The following NSUN6 variants were observed in gnomAD, a reference collection of about 807,000 sequenced individuals.
The protein encoded by NSUN6 is tRNA (cytosine(72)-C(5))-methyltransferase NSUN6.
A neutral mutation model predicts 58.0 loss-of-function variants in NSUN6; 64 were observed. That is an observed-to-expected ratio of 1.10 (90% CI 0.90 to 1.36). The LOEUF is 1.36. Ranked by LOEUF, NSUN6 falls within the 40% of genes most tolerant of loss-of-function variation. NSUN6 has a pLI of 0.00. For synonymous variants in NSUN6, 231 were observed against 193.9 expected, an observed-to-expected ratio of 1.19 and a Z score of -1.59; for missense variants, 701 against 550.1, an observed-to-expected ratio of 1.27 and a Z score of -2.74.
intron 1 of NSUN6, 97 bp from the exon 2 acceptor site, chr10:18,648,742 A>C: frequency 1.5e-6 from 1 of 676,588 alleles, no homozygotes; most frequent in South Asian, 1.9e-5. Context: ...TCGCTTAGCA[A>C]TTGTTCAGCT....
At chr10:18,572,637 TATTCTCCATTCC>T in intron 8 of NSUN6, among the ~76,000 whole-genome samples, 1 of 150,202 alleles carries the variant, frequency 6.7e-6, no homozygotes, top group South Asian at 2.1e-4. Flanking sequence ...CATTCTATTC[TATTCTCCATTCC>T]ATTCTTCATT....
intron 3 of NSUN6, among the ~76,000 whole-genome samples, chr10:18,623,274 C>G (rs1321294650): frequency 6.6e-6 from 1 of 152,032 alleles, no homozygotes. Context: ...ATGAAAATAA[C>G]TGTGATATTG....
chr10:18,577,507 C>T (rs1453288594), intron 8 of NSUN6, among the ~76,000 whole-genome samples: 2 of 152,106 alleles, frequency 1.3e-5, no homozygotes, highest in African/African-American at 2.4e-5. Context: ...ATAGAAATGG[C>T]ACTTACTAAA....
At chr10:18,576,735 G>A (rs529968064) in intron 8 of NSUN6, among the ~76,000 whole-genome samples, 13 of 152,300 alleles carry the variant, frequency 8.5e-5, no homozygotes, top group African/African-American at 2.9e-4. Context: ...GAATTTTTAA[G>A]AGCTTACCAG....
Position 18,605,748 on chromosome 10 carries a change from C to T in NSUN6, c.657+4097G>A, listed in dbSNP as rs1286335281. ...TGTTGCACACATGGAAAACATCCTACAGCATCAATAAGTAATGGTAAGGGG... is the reference window on the plus strand; with the variant it reads ...TGTTGCACACATGGAAAACATCCTATAGCATCAATAAGTAATGGTAAGGGG... On this transcript the variant is annotated intron_variant, in intron 6 of 10. Coordinates refer to ENST00000377304, the MANE Select transcript of NSUN6 (RefSeq NM_182543.5). Among the ~76,000 whole-genome samples, 3 of 152,172 alleles carry T rather than the reference C, an allele frequency of 2.0e-5. 1 individual carries two copies. Among genetic ancestry groups the T allele is most frequent in the South Asian group, 4.1e-4 (2 of 4,832 alleles).
chr10:18,563,157 AAATGGAGAATGGAATGG>A (rs2055663309), intron 8 of NSUN6, among the ~76,000 whole-genome samples: 1 of 146,776 alleles, frequency 6.8e-6, no homozygotes, highest in Non-Finnish European at 1.5e-5. Context: ...GAGTGGAACA[AAATGGAGAATGGAATGG>A]AATGGAGAAT....
intron 3 of NSUN6, among the ~76,000 whole-genome samples, chr10:18,619,666 C>T (rs537812782): frequency 4.6e-5 from 7 of 152,282 alleles, no homozygotes; most frequent in African/African-American, 1.7e-4. Context: ...GCAAAAACAT[C>T]TTCATGTTAT....
At chr10:18,548,608 T>A (rs77757904) in intron 9 of NSUN6, among the ~76,000 whole-genome samples, 7,363 of 152,264 alleles carry the variant, frequency 0.048, 274 homozygotes, top group Non-Finnish European at 0.077. Flanking sequence ...TCTTTTTTAT[T>A]CTTATTTTTT....
intron 9 of NSUN6, among the ~76,000 whole-genome samples, chr10:18,549,158 T>C (rs1192091431): frequency 1.3e-5 from 2 of 152,164 alleles, no homozygotes; most frequent in African/African-American, 4.8e-5. Flanking sequence ...GTCAAAGTCC[T>C]TACATGATCA....
intron 2 of NSUN6, among the ~76,000 whole-genome samples, chr10:18,648,106 C>T (rs1182995772): frequency 1.3e-5 from 2 of 152,092 alleles, no homozygotes; most frequent in African/African-American, 4.8e-5. Flanking sequence ...CCTCCTTACC[C>T]CTGGGCTTAT....
At position 18,642,516 on chromosome 10, in the gene NSUN6, C is replaced by G. The variant is rs749356061; in HGVS notation, c.271G>C (p.Asp91His). ...GLSVPILQHPDLQDVLLIPVI... is the reference protein window; with the variant it reads ...GLSVPILQHPHLQDVLLIPVI... ...GGAATAAGTAACACATCTTGAAGGT[C>G]TGGATGTTGAAGAATAGGAACACTT... The change falls in exon 3 of 11, where the codon GAC becomes CAC. Residue 91 changes from aspartate (D) to histidine (H), a missense_variant. Coordinates refer to ENST00000377304, the MANE Select transcript of NSUN6 (RefSeq NM_182543.5). 9 of 1,563,454 alleles carry G rather than the reference C, an allele frequency of 5.8e-6. No individual in the cohort carries two copies. The South Asian group carries it at 1.0e-4, about 17-fold the overall frequency.
chr10:18,636,348 T>C (rs2059213031), intron 3 of NSUN6, among the ~76,000 whole-genome samples: 1 of 148,198 alleles, frequency 6.7e-6, no homozygotes, highest in African/African-American at 2.5e-5. Context: ...GATATAAAGC[T>C]TGACAATGTT....
At chr10:18,566,468 A>G (rs2055955767) in intron 8 of NSUN6, among the ~76,000 whole-genome samples, 1 of 139,416 alleles carries the variant, frequency 7.2e-6, no homozygotes, top group Non-Finnish European at 1.5e-5. Flanking sequence ...ATTCCATTCC[A>G]TTCTCCATTC....
intron 2 of NSUN6, 149 bp from the exon 3 acceptor site, chr10:18,642,704 CA>C (rs1301230406): frequency 5.5e-5 from 26 of 472,640 alleles, no homozygotes; most frequent in Non-Finnish European, 7.2e-5. Flanking sequence ...TGTAAAAATC[CA>C]AAAGACCTCA....
At chr10:18,603,210 T>C (rs189572676) in intron 6 of NSUN6, among the ~76,000 whole-genome samples, 2 of 152,230 alleles carry the variant, frequency 1.3e-5, no homozygotes, top group Non-Finnish European at 2.9e-5. Context: ...TGAGAATCGG[T>C]TGAACCTGGG....
intron 9 of NSUN6, among the ~76,000 whole-genome samples, chr10:18,550,662 C>T (rs995101177): frequency 4.0e-5 from 6 of 151,850 alleles, no homozygotes; most frequent in East Asian, 1.9e-4. Context: ...ACTGTCTCTT[C>T]CTGTTTTTAT....
At chr10:18,562,288 T>G (rs1384449310) in intron 8 of NSUN6, among the ~76,000 whole-genome samples, 1 of 149,240 alleles carries the variant, frequency 6.7e-6, no homozygotes, top group East Asian at 2.0e-4. Context: ...GAATGGAGAA[T>G]GGAATGCAAC....
At chr10:18,616,429 G>C in intron 3 of NSUN6, 136 bp from the exon 4 acceptor site, 3 of 545,732 alleles carry the variant, frequency 5.5e-6, no homozygotes, top group Middle Eastern at 3.3e-4. Flanking sequence ...TGAAAAGAGA[G>C]GCATACATAT....
intron 8 of NSUN6, among the ~76,000 whole-genome samples, chr10:18,555,357 AGAATG>A (rs555425917): frequency 4.6e-5 from 7 of 151,192 alleles, no homozygotes; most frequent in African/African-American, 1.7e-4. Flanking sequence ...AATGGTATGG[AGAATG>A]GAATGGAATG....
Sources: gnomAD v4.1 joint callset for allele counts (sites outside exome capture counted in the v4.1 genomes callset) on GRCh38, gnomAD v4.1.1 for gene constraint, MANE v1.5 for transcripts, NCBI Gene and HGNC (gene_info 2026-07-23, HGNC 2026-07-21) for gene names.